The following LNP1 variants were observed in gnomAD, a reference collection of about 807,000 sequenced individuals.
LNP1 encodes the protein leukemia NUP98 fusion partner 1.
Under a neutral mutation model 14.5 loss-of-function variants are expected in LNP1, and 12 were observed. The observed-to-expected ratio is 0.83, with a 90% confidence interval of 0.53 to 1.34. The LOEUF is 1.34. Ranked by LOEUF, LNP1 falls within the 40% of genes most tolerant of loss-of-function variation. The pLI is 0.00. For synonymous variants in LNP1, 75 were observed against 71.4 expected (o/e 1.05, Z -0.26); for missense variants, 198 against 210.9 (o/e 0.94, Z 0.38).
At chr3:100,415,834 T>C (rs538393430) in intron 1 of LNP1, among the ~76,000 whole-genome samples, 2 of 152,218 alleles carry the variant, frequency 1.3e-5, no homozygotes, top group Non-Finnish European at 2.9e-5. Context: ...AGAAGCTTCT[T>C]CTATGACTGC....
intron 2 of LNP1, among the ~76,000 whole-genome samples, chr3:100,435,104 T>C (rs944789552): frequency 6.6e-6 from 1 of 152,162 alleles, no homozygotes; most frequent in Non-Finnish European, 1.5e-5. Context: ...TTTCAGATGA[T>C]ATTTGAATTT....
chr3:100,433,569 G>T (rs1707263275), intron 2 of LNP1, among the ~76,000 whole-genome samples: 1 of 152,046 alleles, frequency 6.6e-6, no homozygotes, highest in South Asian at 2.1e-4. Flanking sequence ...ATATTCCTTT[G>T]GGTGTATACC....
chr3:100,428,456 T>C (rs995867037), intron 1 of LNP1, among the ~76,000 whole-genome samples: 1 of 149,420 alleles, frequency 6.7e-6, no homozygotes, highest in Non-Finnish European at 1.5e-5. Flanking sequence ...CATTTGAACC[T>C]GGGAAGTGGG....
In LNP1 at chr3:100,456,146, A is replaced by G. The variant is rs1164173561; in HGVS notation, c.*220A>G. 3 of 453,704 alleles carry G rather than the reference A, an allele frequency of 6.6e-6. No individual in the cohort carries two copies. Among genetic ancestry groups the G allele is most frequent in the Non-Finnish European group, 1.2e-5 (3 of 253,972 alleles). 28.1% of individuals were successfully genotyped at this position (453,704 alleles called of 1,614,324 possible). A position where few individuals can be genotyped will look rare whatever the true frequency, so the allele number is the denominator to read the frequency against. ...TACTGCTGGCATCTTAGTTGAGAGT[A>G]TAATCTGCTTGGTTGCCTTTTTATG... On this transcript the variant is annotated 3_prime_UTR_variant, in exon 4 of 4. Coordinates refer to ENST00000383693, the MANE Select transcript of LNP1 (RefSeq NM_001085451.2).
At chr3:100,429,599 G>A in intron 1 of LNP1, 98 bp from the exon 2 acceptor site, 1 of 761,216 alleles carries the variant, frequency 1.3e-6, no homozygotes, top group Non-Finnish European at 2.2e-6. Context: ...CAGTATCGGA[G>A]ACCATTTTAA....
rs1553739950 is a variant in LNP1 at position 100,404,808 on chromosome 3, T to TC, written c.-34+2371dup. Among the ~76,000 whole-genome samples the TC allele has an allele frequency of 3.7e-3, 553 of 151,170 alleles. 3 individuals are homozygous for TC. Among genetic ancestry groups the TC allele is most frequent in the South Asian group, 6.9e-3 (33 of 4,766 alleles). On this transcript the variant is annotated intron_variant, in intron 1 of 3. Coordinates refer to ENST00000383693, the MANE Select transcript of LNP1 (RefSeq NM_001085451.2). Reference sequence around the variant, plus strand: ...GTGTTATCCTTTTTTTTTTTTTTTTTCCAAGATGGAATTTCGCTCTGTTGC... The same window carrying TC: ...GTGTTATCCTTTTTTTTTTTTTTTTTCCCAAGATGGAATTTCGCTCTGTTGC...
chr3:100,426,230 G>GCC (rs558301302), intron 1 of LNP1, among the ~76,000 whole-genome samples: 259 of 152,294 alleles, frequency 1.7e-3, no homozygotes, highest in African/African-American at 5.9e-3. Context: ...AGAGTTTATG[G>GCC]CCCCACAGAG....
chr3:100,416,771 T>G, intron 1 of LNP1, among the ~76,000 whole-genome samples: 1 of 151,784 alleles, frequency 6.6e-6, no homozygotes, highest in African/African-American at 2.4e-5. Flanking sequence ...AATGTGCAGG[T>G]TTGTTACATA....
intron 3 of LNP1, among the ~76,000 whole-genome samples, chr3:100,454,043 G>A (rs2148909279): frequency 6.6e-6 from 1 of 152,216 alleles, no homozygotes; most frequent in South Asian, 2.1e-4. Flanking sequence ...AGCCCTAAAA[G>A]TGTATAAAGT....
intron 1 of LNP1, among the ~76,000 whole-genome samples, chr3:100,415,932 T>G (rs920088980): frequency 6.6e-6 from 1 of 152,304 alleles, no homozygotes; most frequent in East Asian, 1.9e-4. Context: ...AAAAAAAGGT[T>G]GTATTGTCAC....
At chr3:100,432,124 A>C (rs1189835882) in intron 2 of LNP1, among the ~76,000 whole-genome samples, 1 of 147,084 alleles carries the variant, frequency 6.8e-6, no homozygotes, top group African/African-American at 2.5e-5. Context: ...CCTTAAAGAG[A>C]AAAGCTTACT....
At chr3:100,425,672 A>G (rs1308557055) in intron 1 of LNP1, among the ~76,000 whole-genome samples, 1 of 152,202 alleles carries the variant, frequency 6.6e-6, no homozygotes, top group Non-Finnish European at 1.5e-5. Context: ...AAGGAAGGGT[A>G]GAAAGGGTTG....
chr3:100,410,224 A>C (rs1707019591), intron 1 of LNP1, among the ~76,000 whole-genome samples: 1 of 152,180 alleles, frequency 6.6e-6, no homozygotes, highest in Admixed American at 6.6e-5. Flanking sequence ...TATTAAAAGA[A>C]ATTTTGGTGA....
At chr3:100,432,333 C>T (rs1707251067) in intron 2 of LNP1, among the ~76,000 whole-genome samples, 1 of 151,882 alleles carries the variant, frequency 6.6e-6, no homozygotes, top group African/African-American at 2.4e-5. Context: ...ACATCTTCAT[C>T]AGTCTCATGA....
At chr3:100,407,520 T>C (rs1706982089) in intron 1 of LNP1, among the ~76,000 whole-genome samples, 2 of 152,224 alleles carry the variant, frequency 1.3e-5, no homozygotes, top group Admixed American at 1.3e-4. Flanking sequence ...TTTAGGATCC[T>C]GTCTTTGTCT....
chr3:100,437,177 T>C (rs1019537079), intron 2 of LNP1, among the ~76,000 whole-genome samples: 1 of 152,226 alleles, frequency 6.6e-6, no homozygotes, highest in African/African-American at 2.4e-5. Flanking sequence ...AACATTATTA[T>C]ACATGACCTA....
intron 2 of LNP1, among the ~76,000 whole-genome samples, chr3:100,434,603 A>C (rs1288841971): frequency 1.4e-5 from 2 of 147,024 alleles, no homozygotes; most frequent in Non-Finnish European, 3.0e-5. Flanking sequence ...ATCTCGGCTC[A>C]CTACAACCTC....
At chr3:100,444,649 A>T (rs1429516704) in intron 2 of LNP1, among the ~76,000 whole-genome samples, 1 of 152,190 alleles carries the variant, frequency 6.6e-6, no homozygotes, top group African/African-American at 2.4e-5. Flanking sequence ...GGTCATTGTG[A>T]AATAAGTCAT....
At chr3:100,434,391 T>C (rs1707272029) in intron 2 of LNP1, among the ~76,000 whole-genome samples, 1 of 152,202 alleles carries the variant, frequency 6.6e-6, no homozygotes, top group Admixed American at 6.5e-5. Context: ...TGTGGTCTTA[T>C]TTCTGAGTTC....
Sources: allele counts gnomAD v4.1 joint callset (sites outside exome capture counted in the v4.1 genomes callset), GRCh38; gene constraint gnomAD v4.1.1; transcripts MANE v1.5; gene names NCBI Gene and HGNC (gene_info 2026-07-23, HGNC 2026-07-21).